PHF24: variants seen among roughly 807,000 people sequenced by gnomAD.
PHF24 encodes Galpha inhibitory interacting protein.
Under a neutral mutation model 42.6 loss-of-function variants are expected in PHF24, and 25 were observed. That is an observed-to-expected ratio of 0.59 (90% CI 0.43 to 0.82). The LOEUF is 0.82. PHF24 is among the 40% of genes least tolerant of loss of function. The pLI is 0.00. For synonymous variants in PHF24, 185 were observed against 204.8 expected, an observed-to-expected ratio of 0.90 and a Z score of 0.83; for missense variants, 470 against 538.1, an observed-to-expected ratio of 0.87 and a Z score of 1.25.
chr9:34,740,204 G>A, the PHF24 span, among the ~76,000 whole-genome samples: 1 of 152,254 alleles, frequency 6.6e-6, no homozygotes, highest in African/African-American at 2.4e-5. Flanking sequence ...GCTGCGGGTG[G>A]AGCTGTCTGC....
At chr9:34,721,399 T>TTC in the PHF24 span, among the ~76,000 whole-genome samples, 3,351 of 139,266 alleles carry the variant, frequency 0.024, 65 homozygotes, top group South Asian at 0.065. Context: ...TGTCTTTCCA[T>TTC]TCTCTCTCTC....
At chr9:34,923,126 A>G in the PHF24 span, among the ~76,000 whole-genome samples, 1 of 151,268 alleles carries the variant, frequency 6.6e-6, no homozygotes, top group Non-Finnish European at 1.5e-5. Context: ...AAATGATCAT[A>G]TGATTTTTGT....
chr9:34,963,209 C>A (rs1329166745), intron 1 of PHF24, among the ~76,000 whole-genome samples: 3 of 151,538 alleles, frequency 2.0e-5, no homozygotes, highest in African/African-American at 7.3e-5. Flanking sequence ...AATCGGACCC[C>A]TCGGGGCTTG....
upstream of PHF24, among the ~76,000 whole-genome samples, chr9:34,954,552 A>T (rs534035730): frequency 6.6e-6 from 1 of 152,326 alleles, no homozygotes; most frequent in African/African-American, 2.4e-5. Context: ...TCACCATCAG[A>T]ATATGAGGAC....
At chr9:34,936,024 T>TCTCCCGCTCCCG in the PHF24 span, among the ~76,000 whole-genome samples, 35 of 148,016 alleles carry the variant, frequency 2.4e-4, 1 homozygote, top group Admixed American at 2.1e-3. Context: ...TCCCTCTCCC[T>TCTCCCGCTCCCG]CTCCCGCTCC....
the PHF24 span, among the ~76,000 whole-genome samples, chr9:34,690,692 G>A: frequency 4.6e-5 from 7 of 152,042 alleles, no homozygotes; most frequent in Non-Finnish European, 7.4e-5. Context: ...GTGTGGGAGG[G>A]GCGTGGGGTA....
At chr9:34,674,114 T>C in the PHF24 span, among the ~76,000 whole-genome samples, 1 of 152,194 alleles carries the variant, frequency 6.6e-6, no homozygotes, top group Non-Finnish European at 1.5e-5. Flanking sequence ...TTGAATTGGG[T>C]TTTTGCCGTT....
At chr9:34,813,662 A>T in the PHF24 span, among the ~76,000 whole-genome samples, 1 of 152,220 alleles carries the variant, frequency 6.6e-6, no homozygotes, top group Non-Finnish European at 1.5e-5. Flanking sequence ...GTTCTTTGCC[A>T]TGTGGGCCTT....
the PHF24 span, among the ~76,000 whole-genome samples, chr9:34,705,559 G>A: frequency 5.3e-5 from 8 of 152,294 alleles, no homozygotes; most frequent in Non-Finnish European, 1.2e-4. Context: ...GGGATTACAG[G>A]CGTAAGCCAC....
chr9:34,817,801 A>C, the PHF24 span, among the ~76,000 whole-genome samples: 1 of 152,176 alleles, frequency 6.6e-6, no homozygotes, highest in African/African-American at 2.4e-5. Context: ...ATAGGATTGA[A>C]GTTCTTTTTA....
the PHF24 span, among the ~76,000 whole-genome samples, chr9:34,855,784 G>A: frequency 1.3e-5 from 2 of 152,100 alleles, no homozygotes; most frequent in African/African-American, 4.8e-5. Context: ...TCTTACTGGG[G>A]TTCTCTGGAC....
the PHF24 span, among the ~76,000 whole-genome samples, chr9:34,840,500 C>A: frequency 7.6e-6 from 1 of 132,344 alleles, no homozygotes; most frequent in Non-Finnish European, 1.7e-5. Flanking sequence ...CCCCTCCCTC[C>A]CTTCCTTCCT....
At chr9:34,831,470 T>C in the PHF24 span, among the ~76,000 whole-genome samples, 1 of 152,136 alleles carries the variant, frequency 6.6e-6, no homozygotes, top group Non-Finnish European at 1.5e-5. Flanking sequence ...AAACCTCTTA[T>C]ATTTGTGGTT....
At chr9:34,963,236 C>T (rs915300671) in intron 1 of PHF24, among the ~76,000 whole-genome samples, 4 of 151,016 alleles carry the variant, frequency 2.6e-5, no homozygotes, top group Admixed American at 6.6e-5. Context: ...CTCAAAGACC[C>T]GCACGAGAAC....
At chr9:34,729,200 G>T in the PHF24 span, 1 of 1,434,632 alleles carries the variant, frequency 7.0e-7, no homozygotes, top group Non-Finnish European at 9.3e-7. Flanking sequence ...AAAATTCTGG[G>T]GTGGGGATTA....
chr9:34,667,182 C>T, the PHF24 span, among the ~76,000 whole-genome samples: 3 of 152,114 alleles, frequency 2.0e-5, no homozygotes, highest in Non-Finnish European at 2.9e-5. Context: ...GAGCTGTAGT[C>T]GGTTTGAGTA....
the PHF24 span, among the ~76,000 whole-genome samples, chr9:34,764,484 G>A: frequency 4.6e-5 from 7 of 152,362 alleles, no homozygotes; most frequent in Admixed American, 1.3e-4. Flanking sequence ...GTTTATTTGC[G>A]TAGAGGTGTT....
At chr9:34,881,095 G>A in the PHF24 span, among the ~76,000 whole-genome samples, 1 of 152,270 alleles carries the variant, frequency 6.6e-6, no homozygotes, top group East Asian at 1.9e-4. Context: ...TGAACAACCT[G>A]CTCCTGAATG....
chr9:34,876,038 A>AAAAAG, the PHF24 span, among the ~76,000 whole-genome samples: 1 of 151,594 alleles, frequency 6.6e-6, no homozygotes, highest in African/African-American at 2.4e-5. Flanking sequence ...ATGGACTTTT[A>AAAAAG]AAAAGAATTT....
Sources: gnomAD v4.1 joint callset for allele counts (sites outside exome capture counted in the v4.1 genomes callset) on GRCh38, gnomAD v4.1.1 for gene constraint, MANE v1.5 for transcripts, NCBI Gene and HGNC (gene_info 2026-07-23, HGNC 2026-07-21) for gene names.